The following RPN2 variants were observed in gnomAD, a reference collection of about 807,000 sequenced individuals.
RPN2 encodes the protein dolichyl-diphosphooligosaccharide--protein glycosyltransferase subunit 2.
Under a neutral mutation model 71.4 loss-of-function variants are expected in RPN2, and 29 were observed. The ratio of observed to expected loss-of-function variants is 0.41; its 90% CI spans 0.30 to 0.55. The LOEUF (loss-of-function observed/expected upper bound fraction) is 0.55, where lower values mean the gene tolerates loss of function less well. Ranked by LOEUF, RPN2 falls within the 20% of genes least tolerant of loss-of-function variation. RPN2 has a pLI of 0.35. For missense variants in RPN2, 726 were observed against 774.1 expected (o/e 0.94, Z 0.74); for synonymous variants, 308 against 305.0 (o/e 1.01, Z -0.10).
At chr20:37,220,078 A>G (rs959670850) in intron 9 of RPN2, among the ~76,000 whole-genome samples, 2 of 152,202 alleles carry the variant, frequency 1.3e-5, no homozygotes, top group African/African-American at 4.8e-5. Context: ...TGCAATGATA[A>G]TAAGCCCCCA....
At chr20:37,193,710 T>A (rs2067195443) in intron 2 of RPN2, among the ~76,000 whole-genome samples, 1 of 152,088 alleles carries the variant, frequency 6.6e-6, no homozygotes. Flanking sequence ...GGCCATTCCA[T>A]GAGATAGCAA....
At chr20:37,213,627 G>A (rs577280477) in intron 8 of RPN2, 133 bp from the exon 9 acceptor site, 73 of 724,848 alleles carry the variant, frequency 1.0e-4, no homozygotes, top group Non-Finnish European at 1.6e-4. Context: ...TTGCCCAAGT[G>A]GGGTGGGAAG....
intron 5 of RPN2, 73 bp downstream of exon 5, chr20:37,204,033 C>A: frequency 9.7e-7 from 1 of 1,035,470 alleles, no homozygotes; most frequent in Non-Finnish European, 1.5e-6. Context: ...TGCAGATAGC[C>A]ATGCATGATC....
At position 37,187,242 on chromosome 20, in the gene RPN2, C is replaced by G. The variant is rs1269110804; in HGVS notation, c.207+2869C>G. Among the ~76,000 whole-genome samples, 10 of 9,204 alleles carry G rather than the reference C, an allele frequency of 1.1e-3. 4 individuals carry two copies. Among genetic ancestry groups the G allele is most frequent in the Admixed American group, 0.01 (10 of 970 alleles). The allele number at this position is 9,204 out of a possible 152,430, so 6.0% of individuals were successfully genotyped here. ...ATTTGGCGGGGCGCGGTGGCTCAAG[C>G]CTGTAATCCCAGCACTTTGGGAGGC... On this transcript the variant is annotated intron_variant, in intron 2 of 16. Coordinates refer to ENST00000237530, the MANE Select transcript of RPN2 (RefSeq NM_002951.5).
chr20:37,219,097 C>CA (rs2067890533), intron 9 of RPN2, among the ~76,000 whole-genome samples: 2 of 152,160 alleles, frequency 1.3e-5, no homozygotes, highest in African/African-American at 4.8e-5. Flanking sequence ...AAGAAACTAA[C>CA]AAGTTTTCAA....
At chr20:37,231,797 T>C (rs2068256235) in intron 13 of RPN2, among the ~76,000 whole-genome samples, 2 of 151,950 alleles carry the variant, frequency 1.3e-5, no homozygotes, top group Admixed American at 6.6e-5. Flanking sequence ...GGATGAATTA[T>C]GGGTGGAAAG....
intron 14 of RPN2, among the ~76,000 whole-genome samples, chr20:37,232,697 G>A (rs2068285161): frequency 1.3e-5 from 2 of 152,148 alleles, no homozygotes; most frequent in Admixed American, 6.6e-5. Context: ...TGAACAGAGC[G>A]AGATCCGATG....
intron 2 of RPN2, among the ~76,000 whole-genome samples, chr20:37,187,501 C>CAAA (rs532495023): frequency 0.017 from 148 of 8,732 alleles, 42 homozygotes; most frequent in African/African-American, 0.11. Flanking sequence ...GACTCCGTCT[C>CAAA]AAAAAAAAAA....
Position 37,236,722 on chromosome 20 carries a change from A to C in RPN2, c.1883+13A>C. On this transcript the variant is annotated intron_variant, in intron 16 of 16. Transcript: ENST00000237530. ...AGGCAGTCAAGAGGTAAGGCCAGAC[A>C]TGAGCCAGGGATCTAGAGTAGGGTT... is the stretch of plus-strand genomic sequence containing the variant. The C allele has an allele frequency of 6.2e-7, 1 of 1,613,762 alleles. No individual in the cohort carries two copies.
In RPN2 at chr20:37,179,513, C is replaced by T. The variant is rs1340878457; in HGVS notation, c.13+144C>T. The T allele has an allele frequency of 1.6e-5, 23 of 1,404,738 alleles. No individual in the cohort carries two copies. The South Asian group carries it at 3.5e-4, about 21-fold the overall frequency. The allele number at this position is 1,404,738 out of a possible 1,614,324, so 87.0% of individuals were successfully genotyped here. ...AGCTCTGGCTGGGGCGCTCTCGGATCGAGGGTCCGAAGGAGGGCTGCGAGC... is the reference window on the plus strand; with the variant it reads ...AGCTCTGGCTGGGGCGCTCTCGGATTGAGGGTCCGAAGGAGGGCTGCGAGC... On this transcript the variant is annotated intron_variant, in intron 1 of 16. Coordinates refer to ENST00000237530, the MANE Select transcript of RPN2 (RefSeq NM_002951.5).
At position 37,210,285 on chromosome 20, in the gene RPN2, G is replaced by A. The variant is rs181611707; in HGVS notation, c.986+120G>A. The stretch of plus-strand genomic sequence containing the variant: ...TAAATTTGATCTACTGGTATCGAAA[G>A]CCTACAGTCGAATGTAAGAAAATGA... On this transcript the variant is annotated intron_variant, in intron 8 of 16. Coordinates refer to ENST00000237530, the MANE Select transcript of RPN2 (RefSeq NM_002951.5). The A allele has an allele frequency of 1.5e-4, 227 of 1,550,554 alleles. 1 individual carries two copies. In the African/African-American group the frequency reaches 2.6e-3, roughly 18 times the overall value.
At chr20:37,196,012 CGTGCTGCCCT>C (rs1371470090) in intron 2 of RPN2, among the ~76,000 whole-genome samples, 1 of 151,564 alleles carries the variant, frequency 6.6e-6, no homozygotes, top group African/African-American at 2.4e-5. Flanking sequence ...TGAAAGGCAG[CGTGCTGCCCT>C]TGCCCTCCAC....
chr20:37,211,736 T>C (rs2067675198), intron 8 of RPN2, among the ~76,000 whole-genome samples: 1 of 152,062 alleles, frequency 6.6e-6, no homozygotes, highest in Non-Finnish European at 1.5e-5. Flanking sequence ...TTACAATTTT[T>C]TTTTTTCTTT....
intron 2 of RPN2, among the ~76,000 whole-genome samples, 175 bp from the exon 3 acceptor site, chr20:37,198,222 A>G: frequency 6.6e-6 from 1 of 152,200 alleles, no homozygotes; most frequent in East Asian, 1.9e-4. Context: ...CTTTGTACGA[A>G]GTGAGCAATT....
chr20:37,179,443 G>A, intron 1 of RPN2, 74 bp downstream of exon 1: 1 of 1,449,728 alleles, frequency 6.9e-7, no homozygotes, highest in South Asian at 1.4e-5. Context: ...TCGAGAGCCG[G>A]CCAGGCGGGA....
intron 2 of RPN2, among the ~76,000 whole-genome samples, chr20:37,195,554 G>T (rs538604703): frequency 6.6e-6 from 1 of 152,316 alleles, no homozygotes; most frequent in African/African-American, 2.4e-5. Context: ...AACTTAAGGT[G>T]ATAAGAGTGC....
chr20:37,201,281 CTTTT>C (rs373838278), intron 4 of RPN2, among the ~76,000 whole-genome samples: 1 of 105,120 alleles, frequency 9.5e-6, no homozygotes, highest in African/African-American at 3.9e-5. Flanking sequence ...AGGTCATAAG[CTTTT>C]TTTTTTTTTT....
chr20:37,212,207 A>C lies in RPN2; in HGVS notation c.987-1553A>C, dbSNP rs899892937. 9.2e-5 allele frequency among the ~76,000 whole-genome samples: 14 copies of C among 152,020 alleles called. No homozygotes were observed. The East Asian group carries it at 2.7e-3, about 29-fold the overall frequency. ...GGTGGGAGGATCGCTTGAGGCTGGG[A>C]GGTCTAGGCTGTAGTGAGCCATGAT... On this transcript the variant is annotated intron_variant, in intron 8 of 16. Coordinates refer to ENST00000237530, the MANE Select transcript of RPN2 (RefSeq NM_002951.5).
chr20:37,198,247 G>A, intron 2 of RPN2, 150 bp from the exon 3 acceptor site: 5 of 1,454,238 alleles, frequency 3.4e-6, no homozygotes, highest in Non-Finnish European at 4.7e-6. Flanking sequence ...GTAATACCGT[G>A]TCCTATGGAA....
Sources: gnomAD v4.1 joint callset for allele counts (sites outside exome capture counted in the v4.1 genomes callset) on GRCh38, gnomAD v4.1.1 for gene constraint, MANE v1.5 for transcripts, NCBI Gene and HGNC (gene_info 2026-07-23, HGNC 2026-07-21) for gene names.